WDR86: variants seen among roughly 807,000 people sequenced by gnomAD.
The protein encoded by WDR86 is WD repeat-containing protein 86.
A neutral mutation model predicts 36.5 loss-of-function variants in WDR86; 30 were observed. That is an observed-to-expected ratio of 0.82 (90% CI 0.61 to 1.11). WDR86 has a LOEUF of 1.11. WDR86 is among the 50% of genes most tolerant of loss of function. The pLI, the probability that WDR86 is intolerant of heterozygous loss-of-function variation, is 0.00. For missense variants in WDR86, 545 were observed against 561.2 expected, an observed-to-expected ratio of 0.97 and a Z score of 0.29; for synonymous variants, 255 against 252.9, an observed-to-expected ratio of 1.01 and a Z score of -0.08.
intron 2 of WDR86, among the ~76,000 whole-genome samples, chr7:151,398,176 A>T (rs1479032607): frequency 1.3e-5 from 2 of 151,930 alleles, no homozygotes; most frequent in Non-Finnish European, 2.9e-5. Flanking sequence ...GCCTGCATGT[A>T]CTTTGTGTGT....
intron 1 of WDR86, among the ~76,000 whole-genome samples, chr7:151,408,328 T>G (rs779640956): frequency 1.3e-5 from 2 of 151,546 alleles, no homozygotes; most frequent in African/African-American, 4.9e-5. Context: ...TCCCGAGTAG[T>G]TGGAATTACA....
At chr7:151,374,298 G>T, downstream of WDR86, 1 of 1,539,076 alleles carries the variant, frequency 6.5e-7, no homozygotes, top group Non-Finnish European at 8.8e-7. Context: ...GTCCTGCCCA[G>T]AGCTCCCTCC....
intron 1 of WDR86, chr7:151,408,750 C>T: frequency 2.6e-6 from 1 of 389,502 alleles, no homozygotes; most frequent in Non-Finnish European, 5.4e-6. Flanking sequence ...GGGGAAGGTG[C>T]ACCCGAGGCA....
chr7:151,369,455 T>C, the WDR86 span, among the ~76,000 whole-genome samples: 67,506 of 152,108 alleles, frequency 0.44, 16,168 homozygotes, highest in Non-Finnish European at 0.55. Context: ...AAAATTGTTT[T>C]TTCATGAGGT....
At chr7:151,376,113 GC>G in exon 2 of WDR86, 1 of 587,288 alleles carries the variant, frequency 1.7e-6, no homozygotes, top group Non-Finnish European at 3.1e-6. Flanking sequence ...GTAACAGAGG[GC>G]AGGGGAGGCC....
intron 1 of WDR86, among the ~76,000 whole-genome samples, chr7:151,407,845 AAAC>A (rs1298393511): frequency 1.4e-4 from 21 of 152,218 alleles, no homozygotes; most frequent in African/African-American, 3.4e-4. Flanking sequence ...CCATCTCAAA[AAAC>A]AACAACAAGA....
intron 3 of WDR86, among the ~76,000 whole-genome samples, chr7:151,391,680 G>A (rs1054966743): frequency 3.3e-5 from 5 of 152,270 alleles, no homozygotes; most frequent in Middle Eastern, 3.4e-3. Context: ...TTAAACATGG[G>A]CAATGTTACA....
chr7:151,376,525 C>T, downstream of WDR86: 2 of 1,052,428 alleles, frequency 1.9e-6, no homozygotes, highest in Non-Finnish European at 2.7e-6. Flanking sequence ...CCATGGTGCA[C>T]ACGCCGGGAG....
At chr7:151,394,336 C>T (rs993146747) in intron 3 of WDR86, among the ~76,000 whole-genome samples, 1 of 152,180 alleles carries the variant, frequency 6.6e-6, no homozygotes. Context: ...CCGCCTCTAC[C>T]CCTACAACCC....
chr7:151,390,146 G>A lies in WDR86; in HGVS notation c.727-4923C>T, dbSNP rs1799309882. Among the ~76,000 whole-genome samples the A allele has an allele frequency of 6.6e-6, 1 of 152,214 alleles. No homozygotes were observed. Among genetic ancestry groups the A allele is most frequent in the Non-Finnish European group, 1.5e-5 (1 of 68,026 alleles). ...GGTGCCACGAACCAAGGGACAGTCA[G>A]AGCTCGGGGAGACGGAGCACTCGCA... On this transcript the variant is annotated intron_variant, in intron 3 of 5. Transcript: ENST00000334493. This position sits in a 1 kb window ranked among gnomAD's most constrained non-coding sequence, Gnocchi z 4.5.
At position 151,409,454 on chromosome 7, in the gene WDR86, C is replaced by G. The variant is rs983632135; in HGVS notation, c.136G>C (p.Asp46His). The change falls in exon 1 of 6, where the codon GAC becomes CAC. Residue 46 changes from aspartate (D) to histidine (H), a missense_variant. Coordinates refer to ENST00000334493, the MANE Select transcript of WDR86 (RefSeq NM_198285.3). The surrounding 1 kb of genome is among the most constrained non-coding windows in gnomAD (Gnocchi z 5.2). ...TGCAGGAGCGCGCAGCACTGGCCGT[C>G]CGCGGTGCTCCAGAGCCGGGCCGTG... ...DGTARLWSTA[D>H]GQCCALLQGH... 11 of 1,543,254 alleles carry G rather than the reference C, an allele frequency of 7.1e-6. No homozygotes were observed. The highest frequency in any genetic ancestry group is 9.6e-6 in the Non-Finnish European group (11 of 1,149,800).
rs142448424 is a variant in WDR86, at chr7:151,381,825, G to A, written c.966+53C>T. 1.7e-3 allele frequency: 2,640 copies of A among 1,551,864 alleles called. 35 individuals carry two copies. In the African/African-American group the frequency reaches 0.032, roughly 19 times the overall value. The stretch of plus-strand genomic sequence containing the variant: ...GCTGCCCGCGTGGATGGATCGGGGC[G>A]GGGCACCTTCCCTCCCACGGGCGGC... On this transcript the variant is annotated intron_variant, in intron 5 of 5. Coordinates refer to ENST00000334493, the MANE Select transcript of WDR86 (RefSeq NM_198285.3). This position sits in a 1 kb window ranked among gnomAD's most constrained non-coding sequence, Gnocchi z 4.8.
At position 151,381,740 on chromosome 7, in the gene WDR86, C is replaced by A; in HGVS notation, c.973G>T (p.Gly325Cys). The part of the protein sequence containing the change: ...TFIINCIQVH[G>C]QVLYTASHDG... ...TGCGAGGCGGTGTAGAGCACCTGGC[C>A]GTGCACCTGCGGGCGCAGGGGCGGG... Residue 325 changes from glycine to cysteine, a missense_variant, in exon 6 of 6, where the codon GGC becomes TGC. Transcript: ENST00000334493. The surrounding 1 kb of genome is among the most constrained non-coding windows in gnomAD (Gnocchi z 4.8). The A allele has an allele frequency of 6.6e-7, 1 of 1,514,292 alleles. No individual in the cohort carries two copies. Among genetic ancestry groups the A allele is most frequent in the Non-Finnish European group, 8.8e-7 (1 of 1,132,418 alleles). 93.8% of individuals were successfully genotyped at this position (1,514,292 alleles called of 1,614,324 possible).
rs1484726848 is a variant in WDR86 at position 151,390,277 on chromosome 7, G to T, written c.727-5054C>A. Reference sequence around the variant, plus strand: ...TCCCCGTGAAAACAGACCAAGCCCAGAGCTCACTGCACACCCCCCACATCA... The same window carrying T: ...TCCCCGTGAAAACAGACCAAGCCCATAGCTCACTGCACACCCCCCACATCA... On this transcript the variant is annotated intron_variant, in intron 3 of 5. Transcript: ENST00000334493. This position sits in a 1 kb window ranked among gnomAD's most constrained non-coding sequence, Gnocchi z 4.5. Among the ~76,000 whole-genome samples the T allele has an allele frequency of 6.6e-6, 1 of 152,162 alleles. No homozygotes were observed. Among genetic ancestry groups the T allele is most frequent in the Non-Finnish European group, 1.5e-5 (1 of 68,018 alleles).
chr7:151,373,194 G>A (rs1198587753), downstream of WDR86, among the ~76,000 whole-genome samples: 2 of 152,112 alleles, frequency 1.3e-5, no homozygotes, highest in Non-Finnish European at 2.9e-5. Context: ...GCTGATGGTG[G>A]GGCTGGTCTC....
At chr7:151,377,062 C>G, downstream of WDR86, 1 of 1,561,032 alleles carries the variant, frequency 6.4e-7, no homozygotes, top group East Asian at 2.3e-5. Context: ...TCTAGTGCCT[C>G]AACAGACGAA....
At chr7:151,389,198 C>G (rs1371422084) in intron 3 of WDR86, among the ~76,000 whole-genome samples, 1 of 150,438 alleles carries the variant, frequency 6.6e-6, no homozygotes, top group East Asian at 2.0e-4. Context: ...TCAAGTGATC[C>G]GTCCACCTCA....
At position 151,400,224 on chromosome 7, in the gene WDR86, T is replaced by G. The variant is rs1438746703; in HGVS notation, c.181A>C (p.Thr61Pro). Residue 61 changes from threonine (T) to proline (P), a missense_variant, in exon 2 of 6, where the codon ACC (threonine) becomes CCC (proline). By Grantham distance (38) the Thr-to-Pro change is conservative (BLOSUM62 -1). Transcript: ENST00000334493. Reference sequence around the variant, plus strand: ...GCCTCATCCTCCAGCTGGCAGAAGGTCACATAGCTTTCATGTCCTGCAGAT... The same window carrying G: ...GCCTCATCCTCCAGCTGGCAGAAGGGCACATAGCTTTCATGTCCTGCAGAT... ...ALLQGHESYV[T>P]FCQLEDEAAF... 6.2e-7 allele frequency: 1 copy of G among 1,609,396 alleles called. No individual in the cohort carries two copies. The highest frequency in any genetic ancestry group is 8.5e-7 in the Non-Finnish European group (1 of 1,177,762).
exon 2 of WDR86, chr7:151,376,067 A>T: frequency 1.4e-6 from 1 of 706,208 alleles, no homozygotes; most frequent in Non-Finnish European, 2.6e-6. Flanking sequence ...CCCAGGCTCC[A>T]GGTGTAACCT....
Sources: gnomAD v4.1 joint callset for allele counts (sites outside exome capture counted in the v4.1 genomes callset) on GRCh38, gnomAD v4.1.1 for gene constraint, Gnocchi (gnomAD v3.1) non-coding constraint, MANE v1.5 for transcripts, NCBI Gene and HGNC (gene_info 2026-07-23, HGNC 2026-07-21) for gene names.